TRERF1: variants seen among roughly 807,000 people sequenced by gnomAD.
TRERF1 encodes transcriptional regulating factor 1.
A neutral mutation model predicts 122.9 loss-of-function variants in TRERF1; 27 were observed. The ratio of observed to expected loss-of-function variants is 0.22; its 90% CI spans 0.16 to 0.30. The LOEUF is 0.30. Among genes scored for constraint, TRERF1 ranks in the 10% least tolerant of loss-of-function variants. The pLI, the probability that TRERF1 is intolerant of heterozygous loss-of-function variation, is 1.00. For synonymous variants in TRERF1, 636 were observed against 641.7 expected, an observed-to-expected ratio of 0.99 and a Z score of 0.13; for missense variants, 1,248 against 1,560.3, an observed-to-expected ratio of 0.80 and a Z score of 3.37.
intron 4 of TRERF1, among the ~76,000 whole-genome samples, chr6:42,278,910 G>C (rs896649789): frequency 2.0e-5 from 3 of 152,110 alleles, no homozygotes; most frequent in African/African-American, 7.2e-5. Context: ...ATTAACTGAG[G>C]CCTCATAGCT....
chr6:42,326,611 T>C (rs1764336112), intron 3 of TRERF1, among the ~76,000 whole-genome samples: 1 of 152,216 alleles, frequency 6.6e-6, no homozygotes, highest in Admixed American at 6.5e-5. Flanking sequence ...CATTCCATTC[T>C]TTATAGCCCA....
chr6:42,425,347 G>A (rs1783445650), intron 2 of TRERF1, among the ~76,000 whole-genome samples: 1 of 150,210 alleles, frequency 6.7e-6, no homozygotes, highest in Admixed American at 6.6e-5. Flanking sequence ...GAATAAATAT[G>A]ACAGCCCCCA....
chr6:42,243,203 T>C, intron 15 of TRERF1, 45 bp downstream of exon 15: 2 of 1,529,520 alleles, frequency 1.3e-6, no homozygotes, highest in Non-Finnish European at 1.8e-6. Context: ...GGGCCTGGGG[T>C]GGGAGCTGTC....
chr6:42,373,271 G>A (rs1414213383), intron 2 of TRERF1, among the ~76,000 whole-genome samples: 3 of 151,990 alleles, frequency 2.0e-5, no homozygotes, highest in African/African-American at 2.4e-5. Flanking sequence ...GGTGGCTCAC[G>A]CCTGTAATCC....
intron 14 of TRERF1, among the ~76,000 whole-genome samples, chr6:42,243,967 C>T (rs1774274314): frequency 6.6e-6 from 1 of 151,622 alleles, no homozygotes; most frequent in South Asian, 2.1e-4. Context: ...CAACCTCCAC[C>T]TCCGAGATTC....
At chr6:42,366,967 G>T (rs1434639519) in intron 2 of TRERF1, among the ~76,000 whole-genome samples, 1 of 152,106 alleles carries the variant, frequency 6.6e-6, no homozygotes, top group Non-Finnish European at 1.5e-5. Context: ...AAGAAATCAG[G>T]ATCTGCCCAA....
intron 3 of TRERF1, among the ~76,000 whole-genome samples, chr6:42,362,282 AGGAAT>A (rs1485916302): frequency 3.9e-5 from 6 of 152,256 alleles, no homozygotes; most frequent in African/African-American, 1.4e-4. Context: ...CTCATACAGG[AGGAAT>A]GGAAAGCGTG....
At chr6:42,376,929 G>A (rs921249336) in intron 2 of TRERF1, among the ~76,000 whole-genome samples, 1 of 150,992 alleles carries the variant, frequency 6.6e-6, no homozygotes, top group Non-Finnish European at 1.5e-5. Context: ...GCAGTGGCGC[G>A]ATCTGAGCTT....
At chr6:42,338,889 A>G (rs1260137309) in intron 3 of TRERF1, among the ~76,000 whole-genome samples, 6 of 152,158 alleles carry the variant, frequency 3.9e-5, no homozygotes, top group Non-Finnish European at 8.8e-5. Context: ...GTTTATCTTT[A>G]TATTTTTTTC....
intron 8 of TRERF1, among the ~76,000 whole-genome samples, chr6:42,261,729 A>C (rs1777911757): frequency 6.6e-6 from 1 of 152,070 alleles, no homozygotes; most frequent in Admixed American, 6.5e-5. Flanking sequence ...GTTCCCATGT[A>C]TTCAGTCCCA....
chr6:42,411,195 T>C (rs554435395), intron 2 of TRERF1, among the ~76,000 whole-genome samples: 1 of 152,132 alleles, frequency 6.6e-6, no homozygotes, highest in Admixed American at 6.5e-5. Flanking sequence ...CCCCTGAGAG[T>C]AGGACTAGTG....
chr6:42,449,373 T>C (rs1478344589), intron 2 of TRERF1, among the ~76,000 whole-genome samples: 1 of 151,246 alleles, frequency 6.6e-6, no homozygotes, highest in Non-Finnish European at 1.5e-5. Context: ...ATAAATCAGA[T>C]CCTGACAATC....
rs916548922 is a variant in TRERF1 at position 42,254,937 on chromosome 6, A to G, written c.2581-11T>C. 8 of 1,613,820 alleles carry G rather than the reference A, an allele frequency of 5.0e-6. No individual in the cohort carries two copies. Among genetic ancestry groups the G allele is most frequent in the Non-Finnish European group, 6.8e-6 (8 of 1,179,740 alleles). On this transcript the variant is annotated splice_polypyrimidine_tract_variant and intron_variant, in intron 12 of 17. Transcript: ENST00000372922. ...CATTTCCAGAGCAACCTGCAGACCCAAAGGAGAGAAAAGGCAAGAGTCAGC... is the reference window on the plus strand; with the variant it reads ...CATTTCCAGAGCAACCTGCAGACCCGAAGGAGAGAAAAGGCAAGAGTCAGC...
intron 3 of TRERF1, among the ~76,000 whole-genome samples, chr6:42,318,391 CAT>C (rs1762850509): frequency 6.6e-6 from 1 of 152,146 alleles, no homozygotes; most frequent in South Asian, 2.1e-4. Flanking sequence ...ATTGGACTGA[CAT>C]AGACAAAATT....
chr6:42,433,411 A>C (rs1284941847), intron 2 of TRERF1, among the ~76,000 whole-genome samples: 1 of 152,010 alleles, frequency 6.6e-6, no homozygotes, highest in Non-Finnish European at 1.5e-5. Flanking sequence ...AAACCTAGGA[A>C]TCCAAACAGA....
intron 4 of TRERF1, among the ~76,000 whole-genome samples, chr6:42,292,647 G>A (rs1784488189): frequency 2.6e-5 from 4 of 152,172 alleles, no homozygotes. Flanking sequence ...GTCAGGCTGA[G>A]TTCTCTAATT....
chr6:42,365,718 T>G (rs953284778), intron 2 of TRERF1, among the ~76,000 whole-genome samples: 13 of 152,150 alleles, frequency 8.5e-5, no homozygotes, highest in Non-Finnish European at 1.5e-4. Context: ...TCCACTTCCC[T>G]CTCGTCTTTT....
chr6:42,340,421 A>G (rs1429326446), intron 3 of TRERF1, among the ~76,000 whole-genome samples: 1 of 152,108 alleles, frequency 6.6e-6, no homozygotes, highest in East Asian at 1.9e-4. Flanking sequence ...CAAAACATGA[A>G]TATTGCTGCC....
intron 3 of TRERF1, among the ~76,000 whole-genome samples, chr6:42,301,743 A>G (rs1461964436): frequency 2.6e-5 from 4 of 152,236 alleles, no homozygotes; most frequent in Non-Finnish European, 5.9e-5. Context: ...ATGGACCGCT[A>G]AAGAGTTTGC....
Sources: gnomAD v4.1 joint callset for allele counts (sites outside exome capture counted in the v4.1 genomes callset) on GRCh38, gnomAD v4.1.1 for gene constraint, MANE v1.5 for transcripts, NCBI Gene and HGNC (gene_info 2026-07-23, HGNC 2026-07-21) for gene names.